OPRPN: variants seen among roughly 807,000 people sequenced by gnomAD.
OPRPN encodes the protein basic proline-rich lacrimal protein.
A neutral mutation model predicts 2.2 loss-of-function variants in OPRPN; 1 was observed. The observed-to-expected ratio is 0.45, with a 90% CI of 0.16 to 2.15. The LOEUF is 2.15. Among genes scored for constraint, OPRPN ranks in the 30% most tolerant of loss-of-function variants. The pLI is 0.28. For synonymous variants in OPRPN, 126 were observed against 111.5 expected (o/e 1.13, Z -0.82); for missense variants, 306 against 297.3 (o/e 1.03, Z -0.21).
chr4:70,402,329 A>T lies in OPRPN; in HGVS notation c.51+2993A>T, dbSNP rs80120097. 5.2e-3 allele frequency among the ~76,000 whole-genome samples: 791 copies of T among 152,260 alleles called. 8 individuals are homozygous for T. The highest frequency in any genetic ancestry group is 0.018 in the African/African-American group (747 of 41,548). On this transcript the variant is annotated intron_variant, in intron 2 of 2. Coordinates refer to ENST00000399575, the MANE Select transcript of OPRPN (RefSeq NM_021225.5). ...TGAGTAACAAGGCCCTGGTCAACTG[A>T]GAAATCAAACAGAGAAAGGCTGAGG...
At position 70,409,790 on chromosome 4, in the gene OPRPN, C is replaced by A; in HGVS notation, c.462C>A (p.Thr154=). The change falls in exon 3 of 3, where the codon ACC becomes ACA. Residue 154 remains threonine (T), a synonymous_variant. Transcript: ENST00000399575. ...INITTADTTI[T]TNPPTTATAT... is the part of the protein sequence containing the mutation. ...TCACCACCGCAGATACAACAATCACCACAAATCCCCCCACCACTGCAACAG... is the reference window on the plus strand; with the variant it reads ...TCACCACCGCAGATACAACAATCACAACAAATCCCCCCACCACTGCAACAG... 2 of 1,613,670 alleles carry A rather than the reference C, an allele frequency of 1.2e-6. No homozygotes were observed. Among genetic ancestry groups the A allele is most frequent in the Non-Finnish European group, 1.7e-6 (2 of 1,179,792 alleles).
At chr4:70,402,427 A>C (rs1423495331) in intron 2 of OPRPN, among the ~76,000 whole-genome samples, 1 of 152,138 alleles carries the variant, frequency 6.6e-6, no homozygotes. Context: ...ATGTGCAAGG[A>C]AGGAAATGGC....
chr4:70,409,581 T>C lies in OPRPN; in HGVS notation c.253T>C (p.Ser85Pro). The C allele has an allele frequency of 1.2e-6, 2 of 1,613,896 alleles. No individual in the cohort carries two copies. The highest frequency in any genetic ancestry group is 1.7e-6 in the Non-Finnish European group (2 of 1,179,804). ...TCGATTTAGCCAAGCAGTCATTCTA[T>C]CTCAACTCTTTCCATTGGAATCTAT... ...FSRFSQAVIL[S>P]QLFPLESIRQ... Residue 85 changes from serine (S) to proline (P), a missense_variant, in exon 3 of 3, where the codon TCT (serine) becomes CCT (proline). Physicochemically the swap from Ser to Pro is moderately conservative, Grantham distance 74. Coordinates refer to ENST00000399575, the MANE Select transcript of OPRPN (RefSeq NM_021225.5).
intron 2 of OPRPN, among the ~76,000 whole-genome samples, chr4:70,405,791 T>C (rs1027502169): frequency 6.6e-6 from 1 of 152,152 alleles, no homozygotes; most frequent in African/African-American, 2.4e-5. Flanking sequence ...TGGCCAGGCA[T>C]GGTGGCTCAC....
At chr4:70,407,657 A>G (rs1447820075) in intron 2 of OPRPN, among the ~76,000 whole-genome samples, 1 of 152,182 alleles carries the variant, frequency 6.6e-6, no homozygotes, top group Non-Finnish European at 1.5e-5. Flanking sequence ...CTTCAAGGGT[A>G]CCCTAGGTTA....
chr4:70,407,403 G>A (rs1733112772), intron 2 of OPRPN, among the ~76,000 whole-genome samples: 1 of 152,224 alleles, frequency 6.6e-6, no homozygotes, highest in African/African-American at 2.4e-5. Context: ...TCCCTGGAAA[G>A]GGAGAAAACA....
At chr4:70,400,731 C>T (rs990152793) in intron 2 of OPRPN, among the ~76,000 whole-genome samples, 46 of 151,906 alleles carry the variant, frequency 3.0e-4, no homozygotes, top group Non-Finnish European at 5.0e-4. Context: ...ATCAATCCAT[C>T]ATATGAAAAA....
At chr4:70,406,871 T>C (rs368250512) in intron 2 of OPRPN, among the ~76,000 whole-genome samples, 159 of 152,296 alleles carry the variant, frequency 1.0e-3, no homozygotes, top group Non-Finnish European at 2.0e-3. Context: ...GACTTCCTTT[T>C]TCCTTAAAGG....
rs764161652 is a variant in OPRPN, at chr4:70,409,805, C to T, written c.477C>T (p.Thr159=). The change falls in exon 3 of 3, where the codon ACC becomes ACT. Residue 159 remains threonine, a synonymous_variant. Transcript: ENST00000399575. The part of the protein sequence containing the change: ...ADTTITTNPP[T]TATATTSTST... ...CAACAATCACCACAAATCCCCCCAC[C>T]ACTGCAACAGCAACCACCAGCACTT... 1 of 1,613,032 alleles carries T rather than the reference C, an allele frequency of 6.2e-7. No individual in the cohort carries two copies. The highest frequency in any genetic ancestry group is 1.3e-5 in the African/African-American group (1 of 74,822).
intron 2 of OPRPN, among the ~76,000 whole-genome samples, chr4:70,404,567 C>G (rs1733046986): frequency 6.6e-6 from 1 of 152,224 alleles, no homozygotes; most frequent in Non-Finnish European, 1.5e-5. Flanking sequence ...AAGCCATCAT[C>G]ACTTCCTACC....
chr4:70,407,500 C>T (rs923408238), intron 2 of OPRPN, among the ~76,000 whole-genome samples: 5 of 152,196 alleles, frequency 3.3e-5, no homozygotes, highest in Non-Finnish European at 7.3e-5. Context: ...TTTGAGTTGT[C>T]ACTGATCTTT....
chr4:70,399,147 A>G lies in OPRPN; in HGVS notation c.-15-124A>G, dbSNP rs1732919696. 7.0e-6 allele frequency: 4 copies of G among 570,212 alleles called. No individual in the cohort carries two copies. In the South Asian group the frequency reaches 1.2e-4, roughly 17 times the overall value. 35.3% of individuals were successfully genotyped at this position (570,212 alleles called of 1,614,324 possible). A position where few individuals can be genotyped will look rare whatever the true frequency, so the allele number is the denominator to read the frequency against. Reference sequence around the variant, plus strand: ...CCCCAAAATATCAAACACATCTTTAAAGGTTATGTTGGTCTTTCTTCATCA... The same window carrying G: ...CCCCAAAATATCAAACACATCTTTAGAGGTTATGTTGGTCTTTCTTCATCA... On this transcript the variant is annotated intron_variant, in intron 1 of 2. Transcript: ENST00000399575.
intron 2 of OPRPN, among the ~76,000 whole-genome samples, chr4:70,408,446 G>T (rs1305050997): frequency 2.0e-5 from 3 of 151,838 alleles, no homozygotes; most frequent in African/African-American, 7.3e-5. Context: ...CTCTCTCTTT[G>T]ATAAAAATTA....
Position 70,409,545 on chromosome 4 carries a change from T to G in OPRPN, c.217T>G (p.Ser73Ala), listed in dbSNP as rs1037808012. The G allele has an allele frequency of 6.2e-7, 1 of 1,613,774 alleles. No individual in the cohort carries two copies. The highest frequency in any genetic ancestry group is 8.5e-7 in the Non-Finnish European group (1 of 1,179,894). ...LPFVPGRVPPSSFSRFSQAVI... is the reference protein window; with the variant it reads ...LPFVPGRVPPASFSRFSQAVI... ...CTTTGTCCCAGGGCGAGTTCCACCA[T>G]CTTCTTTCTCTCGATTTAGCCAAGC... Residue 73 changes from serine to alanine, a missense_variant, in exon 3 of 3, where the codon TCT becomes GCT. By Grantham distance (99) the Ser-to-Ala change is moderately conservative. Coordinates refer to ENST00000399575, the MANE Select transcript of OPRPN (RefSeq NM_021225.5).
At chr4:70,401,845 A>G (rs1311465158) in intron 2 of OPRPN, among the ~76,000 whole-genome samples, 1 of 152,096 alleles carries the variant, frequency 6.6e-6, no homozygotes, top group African/African-American at 2.4e-5. Context: ...TTTTGCCAAT[A>G]CCTGCCATCC....
At chr4:70,402,912 G>A (rs1733012822) in intron 2 of OPRPN, among the ~76,000 whole-genome samples, 1 of 152,052 alleles carries the variant, frequency 6.6e-6, no homozygotes, top group Non-Finnish European at 1.5e-5. Flanking sequence ...AGAGTTAGAG[G>A]AGGGTGAGGC....
chr4:70,409,324 C>A, intron 2 of OPRPN, 56 bp from the exon 3 acceptor site: 1 of 1,408,980 alleles, frequency 7.1e-7, no homozygotes, highest in African/African-American at 1.4e-5. Context: ...AATGTTTGAA[C>A]TTTAAATGAT....
At chr4:70,402,215 A>G (rs1732995675) in intron 2 of OPRPN, among the ~76,000 whole-genome samples, 1 of 152,104 alleles carries the variant, frequency 6.6e-6, no homozygotes. Context: ...ACTCTGATCC[A>G]GTAGGTCTGC....
At chr4:70,398,117 T>C (rs1732900388) in intron 1 of OPRPN, 77 bp downstream of exon 1, 1 of 151,860 alleles carries the variant, frequency 6.6e-6, no homozygotes, top group Non-Finnish European at 1.5e-5. Flanking sequence ...AAGAATATCA[T>C]CCTCATGGCT....
Sources: allele counts gnomAD v4.1 joint callset (sites outside exome capture counted in the v4.1 genomes callset), GRCh38; gene constraint gnomAD v4.1.1; transcripts MANE v1.5; gene names NCBI Gene and HGNC (gene_info 2026-07-23, HGNC 2026-07-21).